FAM168B: variants seen among roughly 807,000 people sequenced by gnomAD.
The protein encoded by FAM168B is myelin-associated neurite-outgrowth inhibitor.
Under a neutral mutation model 21.8 loss-of-function variants are expected in FAM168B, and 19 were observed. That is an observed-to-expected ratio of 0.87 (90% CI 0.61 to 1.28). The LOEUF is 1.28. FAM168B is among the 50% of genes most tolerant of loss of function. The probability of loss-of-function intolerance (pLI) is 0.00; values close to 1 mark genes in which losing one functional copy is unlikely to be tolerated. For synonymous variants in FAM168B, 126 were observed against 104.8 expected (o/e 1.20, Z -1.24); for missense variants, 233 against 263.1 (o/e 0.89, Z 0.79).
rs1691652157 is a variant in FAM168B, at chr2:131,051,181, A to C, written c.*1284T>G. ...ATGGCAGGAGAGGCTCGCAGACAAC[A>C]GACACTGGCCTCCCCCTCGCCCCAT... On this transcript the variant is annotated 3_prime_UTR_variant, in exon 7 of 7. Coordinates refer to ENST00000389915, the MANE Select transcript of FAM168B (RefSeq NM_001009993.4). The C allele has an allele frequency of 1.0e-6, 1 of 985,174 alleles. No individual in the cohort carries two copies. Among genetic ancestry groups the C allele is most frequent in the Admixed American group, 6.2e-5 (1 of 16,232 alleles). 61.0% of individuals were successfully genotyped at this position (985,174 alleles called of 1,614,324 possible).
intron 6 of FAM168B, 91 bp downstream of exon 6, chr2:131,052,800 T>C: frequency 6.7e-7 from 1 of 1,493,410 alleles, no homozygotes; most frequent in East Asian, 2.5e-5. Flanking sequence ...CACACTTTCC[T>C]CGTTAGTGCT....
At chr2:131,071,709 T>C (rs1692879035) in intron 3 of FAM168B, 146 bp downstream of exon 3, 1 of 674,474 alleles carries the variant, frequency 1.5e-6, no homozygotes, top group Non-Finnish European at 2.6e-6. Context: ...ATTAAGCTTT[T>C]GTTGCACTTA....
intron 3 of FAM168B, among the ~76,000 whole-genome samples, chr2:131,068,453 G>A (rs144792566): frequency 6.6e-6 from 1 of 152,272 alleles, no homozygotes; most frequent in African/African-American, 2.4e-5. Flanking sequence ...AAACCACCGT[G>A]CCCGGCTGCC....
chr2:131,065,510 C>T (rs952516950), intron 3 of FAM168B, among the ~76,000 whole-genome samples: 4 of 152,020 alleles, frequency 2.6e-5, no homozygotes, highest in Admixed American at 2.0e-4. Context: ...AAAGAAACGC[C>T]GGGCATGGGG....
At chr2:131,060,556 G>A (rs879203080) in intron 3 of FAM168B, among the ~76,000 whole-genome samples, 2 of 152,110 alleles carry the variant, frequency 1.3e-5, no homozygotes, top group East Asian at 1.9e-4. Context: ...GATTCCAAAC[G>A]TTTTTTAAAA....
In FAM168B at chr2:131,083,197, T is replaced by C. The variant is rs150617878; in HGVS notation, c.-11-540A>G. Among the ~76,000 whole-genome samples the C allele has an allele frequency of 1.3e-3, 205 of 152,104 alleles. 3 individuals are homozygous for C. Among genetic ancestry groups the C allele is most frequent in the African/African-American group, 4.6e-3 (190 of 41,510 alleles). On this transcript the variant is annotated intron_variant, in intron 1 of 6. Transcript: ENST00000389915. Reference sequence around the variant, plus strand: ...GGTCAAACTCCGTCTCTACTAAAAATACAAAAATTAGCTGGGTGTGGTGGC... The same window carrying C: ...GGTCAAACTCCGTCTCTACTAAAAACACAAAAATTAGCTGGGTGTGGTGGC...
intron 2 of FAM168B, among the ~76,000 whole-genome samples, chr2:131,073,410 TC>T: frequency 6.6e-6 from 1 of 152,110 alleles, no homozygotes; most frequent in Non-Finnish European, 1.5e-5. Flanking sequence ...GATGTTCTGA[TC>T]CCCAACTTCT....
Position 131,072,021 on chromosome 2 carries a change from C to A in FAM168B, c.71-83G>T, listed in dbSNP as rs1043093424. 3 of 1,237,320 alleles carry A rather than the reference C, an allele frequency of 2.4e-6. No homozygotes were observed. The African/African-American group carries it at 4.4e-5, about 18-fold the overall frequency. The allele number at this position is 1,237,320 out of a possible 1,614,324, so 76.6% of individuals were successfully genotyped here. A position where few individuals can be genotyped will look rare whatever the true frequency, so the allele number is the denominator to read the frequency against. Reference sequence around the variant, plus strand: ...AGCTCCTGCAAAGCCATCGCTCTTACCTTCTTCCCCAGAACTCCACAGACT... The same window carrying A: ...AGCTCCTGCAAAGCCATCGCTCTTAACTTCTTCCCCAGAACTCCACAGACT... On this transcript the variant is annotated intron_variant, in intron 2 of 6. Transcript: ENST00000389915.
At chr2:131,059,784 A>G (rs1218887142) in intron 3 of FAM168B, among the ~76,000 whole-genome samples, 1 of 152,216 alleles carries the variant, frequency 6.6e-6, no homozygotes, top group Non-Finnish European at 1.5e-5. Context: ...CAATCTCAGT[A>G]GTGATAAAAA....
At chr2:131,088,958 C>T (rs1253330056) in intron 1 of FAM168B, among the ~76,000 whole-genome samples, 1 of 147,198 alleles carries the variant, frequency 6.8e-6, no homozygotes, top group Non-Finnish European at 1.5e-5. Flanking sequence ...GGATCTAGAG[C>T]GTACCACTTT....
intron 3 of FAM168B, 112 bp from the exon 4 acceptor site, chr2:131,055,807 C>T (rs1425050254): frequency 1.5e-6 from 2 of 1,305,622 alleles, no homozygotes; most frequent in Non-Finnish European, 2.1e-6. Flanking sequence ...ACTCGCCAGA[C>T]CTGCTGCCAC....
chr2:131,052,814 A>AT, intron 6 of FAM168B, 77 bp downstream of exon 6: 1 of 1,518,896 alleles, frequency 6.6e-7, no homozygotes, highest in Middle Eastern at 2.2e-4. Context: ...TAGTGCTTAA[A>AT]TATGTGGTAA....
rs926419327 is a variant in FAM168B, at chr2:131,051,105, T to C, written c.*1360A>G. 40 of 985,400 alleles carry C rather than the reference T, an allele frequency of 4.1e-5. No individual in the cohort carries two copies. In the African/African-American group the frequency reaches 6.3e-4, roughly 15 times the overall value. 61.0% of individuals were successfully genotyped at this position (985,400 alleles called of 1,614,324 possible). On this transcript the variant is annotated 3_prime_UTR_variant, in exon 7 of 7. Coordinates refer to ENST00000389915, the MANE Select transcript of FAM168B (RefSeq NM_001009993.4). ...AACGCACTCCAGCACTGCCTGGCCCTCTCTGCTGTCTGTGCTTGCTTTGTG... is the reference window on the plus strand; with the variant it reads ...AACGCACTCCAGCACTGCCTGGCCCCCTCTGCTGTCTGTGCTTGCTTTGTG...
intron 2 of FAM168B, among the ~76,000 whole-genome samples, 174 bp from the exon 3 acceptor site, chr2:131,072,112 CTTTG>C (rs1436688582): frequency 1.3e-5 from 2 of 152,146 alleles, no homozygotes; most frequent in African/African-American, 4.8e-5. Flanking sequence ...TCCCGCAGAA[CTTTG>C]TTTTTTTTAT....
chr2:131,067,400 T>C (rs1294825125), intron 3 of FAM168B, among the ~76,000 whole-genome samples: 1 of 152,130 alleles, frequency 6.6e-6, no homozygotes, highest in African/African-American at 2.4e-5. Context: ...ATATACAGCG[T>C]TGAAACCACA....
At chr2:131,091,896 G>C (rs1315151454) in intron 1 of FAM168B, among the ~76,000 whole-genome samples, 1 of 151,412 alleles carries the variant, frequency 6.6e-6, no homozygotes. Context: ...TTGGAAGGTC[G>C]AGGCGGGCGG....
At chr2:131,055,158 C>G in intron 5 of FAM168B, 114 bp downstream of exon 5, 1 of 1,061,658 alleles carries the variant, frequency 9.4e-7, no homozygotes, top group Non-Finnish European at 1.3e-6. Context: ...TCTGTCCTTC[C>G]ACACAACTAC....
chr2:131,089,028 G>A (rs181479052), intron 1 of FAM168B, among the ~76,000 whole-genome samples: 507 of 150,878 alleles, frequency 3.4e-3, no homozygotes, highest in Non-Finnish European at 5.5e-3. Context: ...GTGCAATGGC[G>A]CGATCTCAGC....
intron 1 of FAM168B, among the ~76,000 whole-genome samples, chr2:131,087,631 A>G (rs1163026681): frequency 6.6e-6 from 1 of 152,160 alleles, no homozygotes; most frequent in African/African-American, 2.4e-5. Context: ...TCAGTAATAG[A>G]TGATTGTGGA....
Sources: allele counts gnomAD v4.1 joint callset (sites outside exome capture counted in the v4.1 genomes callset), GRCh38; gene constraint gnomAD v4.1.1; transcripts MANE v1.5; gene names NCBI Gene and HGNC (gene_info 2026-07-23, HGNC 2026-07-21).